The following MACROD2 variants were observed in gnomAD, a reference collection of about 807,000 sequenced individuals.
The protein encoded by MACROD2 is mono-ADP ribosylhydrolase 2, also known as ADP-ribose glycohydrolase MACROD2.
Under a neutral mutation model 70.4 loss-of-function variants are expected in MACROD2, and 36 were observed. The observed-to-expected ratio is 0.51, with a 90% confidence interval of 0.39 to 0.68. MACROD2 has a LOEUF of 0.68. Among genes scored for constraint, MACROD2 ranks in the 30% least tolerant of loss-of-function variants. MACROD2 has a pLI of 0.00. For synonymous variants in MACROD2, 172 were observed against 178.8 expected, an observed-to-expected ratio of 0.96 and a Z score of 0.30; for missense variants, 496 against 538.4, an observed-to-expected ratio of 0.92 and a Z score of 0.78.
In MACROD2 at chr20:14,388,947, G is replaced by A. The variant is rs535933822; in HGVS notation, c.272-104532G>A. 1.5e-4 allele frequency among the ~76,000 whole-genome samples: 23 copies of A among 151,992 alleles called. No individual in the cohort carries two copies. The Middle Eastern group carries it at 0.01, about 68-fold the overall frequency. On this transcript the variant is annotated intron_variant, in intron 3 of 17. Coordinates refer to ENST00000684519, the MANE Select transcript of MACROD2 (RefSeq NM_001351661.2). Reference sequence around the variant, plus strand: ...GGCTAGAGTGCAGTGGCGTGATCTCGGTCCACTGCAACCTCTGCCTTCTGT... The same window carrying A: ...GGCTAGAGTGCAGTGGCGTGATCTCAGTCCACTGCAACCTCTGCCTTCTGT...
chr20:14,904,222 T>C (rs1163125661), intron 5 of MACROD2, among the ~76,000 whole-genome samples: 1 of 152,208 alleles, frequency 6.6e-6, no homozygotes, highest in Non-Finnish European at 1.5e-5. Context: ...TGCTGTTGGA[T>C]AGTCAAATTT....
intron 3 of MACROD2, among the ~76,000 whole-genome samples, chr20:14,272,043 G>A (rs2082200909): frequency 6.6e-6 from 1 of 152,072 alleles, no homozygotes; most frequent in Non-Finnish European, 1.5e-5. Flanking sequence ...GTGATGGGGA[G>A]AATGGAACCA....
chr20:15,941,207 GT>G (rs1171470071), intron 12 of MACROD2, among the ~76,000 whole-genome samples: 1 of 152,112 alleles, frequency 6.6e-6, no homozygotes, highest in Non-Finnish European at 1.5e-5. Context: ...CAGTTCCTAT[GT>G]AAGACTAAAT....
intron 3 of MACROD2, among the ~76,000 whole-genome samples, chr20:14,478,383 G>C (rs1443984975): frequency 2.0e-5 from 3 of 152,140 alleles, no homozygotes; most frequent in Admixed American, 2.0e-4. Flanking sequence ...TGAAGGGGCT[G>C]CCAGCTAAGG....
intron 8 of MACROD2, among the ~76,000 whole-genome samples, chr20:15,695,378 A>G (rs1486719397): frequency 1.3e-5 from 2 of 150,620 alleles, no homozygotes. Context: ...TTGTTTGTGT[A>G]GTCTTTGATT....
chr20:14,314,490 G>C (rs1172891571), intron 3 of MACROD2, among the ~76,000 whole-genome samples: 1 of 152,304 alleles, frequency 6.6e-6, no homozygotes, highest in East Asian at 1.9e-4. Flanking sequence ...GCCGTGGGCG[G>C]TGGCTCACGC....
intron 5 of MACROD2, among the ~76,000 whole-genome samples, chr20:15,171,408 T>C (rs2076421341): frequency 6.6e-6 from 1 of 150,448 alleles, no homozygotes; most frequent in African/African-American, 2.4e-5. Context: ...TTTCTCCATT[T>C]CTCCCCTTCC....
At chr20:15,402,291 A>G (rs2045941098) in intron 6 of MACROD2, among the ~76,000 whole-genome samples, 1 of 152,228 alleles carries the variant, frequency 6.6e-6, no homozygotes, top group Non-Finnish European at 1.5e-5. Context: ...GGAAGTTAAA[A>G]GATAAACTTG....
At chr20:14,319,895 G>A (rs2122543966) in intron 3 of MACROD2, among the ~76,000 whole-genome samples, 1 of 151,846 alleles carries the variant, frequency 6.6e-6, no homozygotes, top group Non-Finnish European at 1.5e-5. Flanking sequence ...TATCTCATCC[G>A]CCCTCTCAAT....
intron 8 of MACROD2, among the ~76,000 whole-genome samples, chr20:15,674,570 T>C (rs1424082668): frequency 1.3e-5 from 2 of 152,118 alleles, no homozygotes; most frequent in Non-Finnish European, 2.9e-5. Context: ...TCAAGGCATA[T>C]TTTCCCATAA....
intron 8 of MACROD2, among the ~76,000 whole-genome samples, chr20:15,502,123 TAAA>T (rs1278291035): frequency 3.9e-5 from 6 of 151,902 alleles, no homozygotes; most frequent in Non-Finnish European, 8.8e-5. Flanking sequence ...ATTAAGCAAA[TAAA>T]AAATAAAGAA....
chr20:15,249,897 T>C (rs2077139877), intron 6 of MACROD2, among the ~76,000 whole-genome samples: 1 of 152,122 alleles, frequency 6.6e-6, no homozygotes, highest in South Asian at 2.1e-4. Flanking sequence ...TATTTAAGAG[T>C]GAAATGTAGG....
At chr20:14,943,328 C>T (rs1444578053) in intron 5 of MACROD2, among the ~76,000 whole-genome samples, 1 of 151,758 alleles carries the variant, frequency 6.6e-6, no homozygotes, top group African/African-American at 2.4e-5. Flanking sequence ...GAGCAACATA[C>T]CTTTTTTATT....
chr20:14,007,495 C>T (rs556995951), intron 2 of MACROD2, among the ~76,000 whole-genome samples: 199 of 152,170 alleles, frequency 1.3e-3, no homozygotes, highest in Non-Finnish European at 2.1e-3. Flanking sequence ...TGTGCATGCG[C>T]GTGCATGTAT....
intron 4 of MACROD2, among the ~76,000 whole-genome samples, chr20:14,662,122 A>G (rs1407261474): frequency 6.6e-6 from 1 of 152,074 alleles, no homozygotes; most frequent in Non-Finnish European, 1.5e-5. Flanking sequence ...AAAAAGAACT[A>G]AAAAAAGATG....
chr20:15,200,661 C>G (rs1287514576), intron 5 of MACROD2, among the ~76,000 whole-genome samples: 2 of 152,188 alleles, frequency 1.3e-5, no homozygotes, highest in Non-Finnish European at 2.9e-5. Context: ...TGGCACAAGG[C>G]ATGATCCCGA....
chr20:15,752,686 A>G (rs556400129), intron 8 of MACROD2, among the ~76,000 whole-genome samples: 1 of 151,934 alleles, frequency 6.6e-6, no homozygotes, highest in South Asian at 2.1e-4. Flanking sequence ...CTTTATAGCT[A>G]CCCCTCTGTG....
chr20:14,376,087 G>T (rs965399917), intron 3 of MACROD2, among the ~76,000 whole-genome samples: 1 of 152,102 alleles, frequency 6.6e-6, no homozygotes, highest in African/African-American at 2.4e-5. Context: ...ATTGCCTTAT[G>T]CCTTGCTTTT....
chr20:15,849,260 C>T (rs1013183709), intron 8 of MACROD2, among the ~76,000 whole-genome samples: 1 of 152,170 alleles, frequency 6.6e-6, no homozygotes, highest in African/African-American at 2.4e-5. Flanking sequence ...TTGAGGTTTG[C>T]CTTTTGAACG....
Sources: allele counts gnomAD v4.1 joint callset (sites outside exome capture counted in the v4.1 genomes callset), GRCh38; gene constraint gnomAD v4.1.1; transcripts MANE v1.5; gene names NCBI Gene and HGNC (gene_info 2026-07-23, HGNC 2026-07-21).